The following ADCY2 variants were observed in gnomAD, a reference collection of about 807,000 sequenced individuals.
The protein encoded by ADCY2 is adenylate cyclase 2.
Under a neutral mutation model 125.2 loss-of-function variants are expected in ADCY2, and 31 were observed. The observed-to-expected ratio is 0.25, with a 90% CI of 0.19 to 0.33. The LOEUF (loss-of-function observed/expected upper bound fraction) is 0.33. Among genes scored for constraint, ADCY2 ranks in the 10% least tolerant of loss-of-function variants. The pLI, the probability that ADCY2 is intolerant of heterozygous loss-of-function variation, is 1.00. For synonymous variants in ADCY2, 512 were observed against 548.4 expected (o/e 0.93, Z 0.93); for missense variants, 904 against 1,418.2 (o/e 0.64, Z 5.82).
intron 3 of ADCY2, among the ~76,000 whole-genome samples, chr5:7,616,659 G>C (rs974302926): frequency 1.3e-5 from 2 of 152,132 alleles, no homozygotes; most frequent in African/African-American, 4.8e-5. Flanking sequence ...AATGTCTAAG[G>C]CTTGCCCATT....
At chr5:7,758,919 T>C (rs1302891720) in intron 16 of ADCY2, among the ~76,000 whole-genome samples, 1 of 152,100 alleles carries the variant, frequency 6.6e-6, no homozygotes, top group East Asian at 1.9e-4. Context: ...GTTAGGACCT[T>C]GAATGTTTAC....
chr5:7,521,987 A>T (rs1390759190), intron 3 of ADCY2, among the ~76,000 whole-genome samples: 4 of 152,066 alleles, frequency 2.6e-5, no homozygotes, highest in Non-Finnish European at 4.4e-5. Context: ...TATTACTAAG[A>T]AGCATCCACT....
chr5:7,539,531 A>C (rs955539623), intron 3 of ADCY2, among the ~76,000 whole-genome samples: 1 of 152,210 alleles, frequency 6.6e-6, no homozygotes, highest in African/African-American at 2.4e-5. Flanking sequence ...CAGATTCTGC[A>C]TTTAGAACCC....
Position 7,709,492 on chromosome 5 carries a change from C to T in ADCY2, c.1578+105C>T. On this transcript the variant is annotated intron_variant, in intron 10 of 24. Coordinates refer to ENST00000338316, the MANE Select transcript of ADCY2 (RefSeq NM_020546.3). The surrounding 1 kb of genome is among the most constrained non-coding windows in gnomAD (Gnocchi z 4.4). ...CAAAATAACTCCTTTCTGTAAGAAA[C>T]AAACTTATCACCTTCTTCTTCTCAG... is the stretch of plus-strand genomic sequence containing the variant. 7.7e-7 allele frequency: 1 copy of T among 1,291,754 alleles called. No homozygotes were observed. The highest frequency in any genetic ancestry group is 1.0e-6 in the Non-Finnish European group (1 of 964,576). The allele number at this position is 1,291,754 out of a possible 1,614,324, so 80.0% of individuals were successfully genotyped here.
chr5:7,447,282 G>A (rs114297846), intron 2 of ADCY2, among the ~76,000 whole-genome samples: 2,024 of 152,204 alleles, frequency 0.013, 46 homozygotes, highest in African/African-American at 0.047. Flanking sequence ...TGGCCTGGAC[G>A]GCCCTGCACA....
At chr5:7,703,107 T>A (rs1336118919) in intron 7 of ADCY2, among the ~76,000 whole-genome samples, 7 of 152,242 alleles carry the variant, frequency 4.6e-5, no homozygotes, top group Non-Finnish European at 1.0e-4. Flanking sequence ...TTGTTTGAGT[T>A]CTTTGTAGAT....
chr5:7,409,322 C>G (rs188354478), intron 1 of ADCY2, among the ~76,000 whole-genome samples: 16 of 152,290 alleles, frequency 1.1e-4, no homozygotes, highest in African/African-American at 3.4e-4. Context: ...ATCTGTACAA[C>G]AAACCCCCAG....
At position 7,666,999 on chromosome 5, in the gene ADCY2, G is replaced by C. The variant is rs367569409; in HGVS notation, c.721-23692G>C. The stretch of plus-strand genomic sequence containing the variant: ...TGGGTTGTGTTCTAGGCACCTGTTT[G>C]TCCTCAGTAGCTAGCGCTGTCCTGG... On this transcript the variant is annotated intron_variant, in intron 4 of 24. Coordinates refer to ENST00000338316, the MANE Select transcript of ADCY2 (RefSeq NM_020546.3). Among the ~76,000 whole-genome samples the C allele has an allele frequency of 2.6e-4, 39 of 152,338 alleles. 1 individual carries two copies. The South Asian group carries it at 7.1e-3, about 28-fold the overall frequency.
intron 24 of ADCY2, among the ~76,000 whole-genome samples, chr5:7,825,870 C>T (rs1295279781): frequency 6.6e-6 from 1 of 152,250 alleles, no homozygotes; most frequent in African/African-American, 2.4e-5. Flanking sequence ...CTGGACAGTG[C>T]ATCTCCGCTG....
At chr5:7,512,125 G>T (rs1016412854) in intron 2 of ADCY2, among the ~76,000 whole-genome samples, 1 of 146,584 alleles carries the variant, frequency 6.8e-6, no homozygotes, top group Non-Finnish European at 1.5e-5. Flanking sequence ...GGAAGCTGAG[G>T]CAGGAGAATC....
At chr5:7,816,053 C>A (rs772826431) in intron 22 of ADCY2, among the ~76,000 whole-genome samples, 19 of 152,138 alleles carry the variant, frequency 1.2e-4, no homozygotes, top group Non-Finnish European at 2.5e-4. Flanking sequence ...GGACACCAGT[C>A]ATATTGGATT....
chr5:7,748,994 G>T (rs1579387718), intron 15 of ADCY2, among the ~76,000 whole-genome samples: 1 of 152,188 alleles, frequency 6.6e-6, no homozygotes, highest in Non-Finnish European at 1.5e-5. Context: ...TGCAGAGGGT[G>T]CCAGGCTGTG....
intron 1 of ADCY2, among the ~76,000 whole-genome samples, chr5:7,412,743 C>T (rs756662242): frequency 2.0e-5 from 3 of 152,242 alleles, no homozygotes; most frequent in Non-Finnish European, 4.4e-5. Context: ...TGCTGCAGGA[C>T]CACAGACCCA....
chr5:7,513,106 C>CACACACACAGAGAG (rs777343291), intron 2 of ADCY2, among the ~76,000 whole-genome samples: 19 of 138,432 alleles, frequency 1.4e-4, no homozygotes, highest in African/African-American at 4.9e-4. Context: ...CACACACACA[C>CACACACACAGAGAG]AGAGAGAGAG....
chr5:7,724,477 T>C, intron 12 of ADCY2, 68 bp from the exon 13 acceptor site: 1 of 1,206,378 alleles, frequency 8.3e-7, no homozygotes, highest in Non-Finnish European at 1.2e-6. Context: ...CAAGTCATTT[T>C]AAAAAATAGT....
chr5:7,596,636 T>C (rs927237795), intron 3 of ADCY2, among the ~76,000 whole-genome samples: 2 of 152,166 alleles, frequency 1.3e-5, no homozygotes, highest in Non-Finnish European at 2.9e-5. Flanking sequence ...CATCTTCATC[T>C]TTAAGGTGGG....
Position 7,784,948 on chromosome 5 carries a change from C to T in ADCY2, c.2469+499C>T, listed in dbSNP as rs535670679. On this transcript the variant is annotated intron_variant, in intron 19 of 24. Coordinates refer to ENST00000338316, the MANE Select transcript of ADCY2 (RefSeq NM_020546.3). ...AATGCAAATGAAACTGTTCTTCCTT[C>T]TTTGGTCCCTCCAACCCTTCTGGTC... Among the ~76,000 whole-genome samples, 3 of 152,294 alleles carry T rather than the reference C, an allele frequency of 2.0e-5. No individual in the cohort carries two copies. The South Asian group carries it at 6.2e-4, about 32-fold the overall frequency.
At chr5:7,558,062 T>G (rs541344810) in intron 3 of ADCY2, among the ~76,000 whole-genome samples, 1 of 152,150 alleles carries the variant, frequency 6.6e-6, no homozygotes, top group Admixed American at 6.5e-5. Context: ...GTTTTATTTT[T>G]TTTTTTTTGA....
intron 3 of ADCY2, among the ~76,000 whole-genome samples, chr5:7,564,752 G>C (rs1735834786): frequency 6.6e-6 from 1 of 152,064 alleles, no homozygotes; most frequent in South Asian, 2.1e-4. Context: ...AAATCACTTG[G>C]GTCCCGGGCA....
Sources: allele counts gnomAD v4.1 joint callset (sites outside exome capture counted in the v4.1 genomes callset), GRCh38; gene constraint gnomAD v4.1.1; non-coding constraint Gnocchi (gnomAD v3.1); transcripts MANE v1.5; gene names NCBI Gene and HGNC (gene_info 2026-07-23, HGNC 2026-07-21).